Variants in SLC16A7 observed in about 807,000 individuals in gnomAD.
The protein encoded by SLC16A7 is solute carrier family 16 member 7.
A neutral mutation model predicts 34.9 loss-of-function variants in SLC16A7; 33 were observed. The ratio of observed to expected loss-of-function variants is 0.94; its 90% CI spans 0.72 to 1.26. The LOEUF (loss-of-function observed/expected upper bound fraction) is 1.26, where lower values mean the gene tolerates loss of function less well. Among genes scored for constraint, SLC16A7 ranks in the 50% most tolerant of loss-of-function variants. The pLI, the probability that SLC16A7 is intolerant of heterozygous loss-of-function variation, is 0.00. For missense variants in SLC16A7, 573 were observed against 578.1 expected, an observed-to-expected ratio of 0.99 and a Z score of 0.09; for synonymous variants, 201 against 206.6, an observed-to-expected ratio of 0.97 and a Z score of 0.23.
intron 3 of SLC16A7, among the ~76,000 whole-genome samples, chr12:59,728,778 T>C (rs1876590271): frequency 6.6e-6 from 1 of 152,190 alleles, no homozygotes; most frequent in Non-Finnish European, 1.5e-5. Flanking sequence ...ATGAATGCCA[T>C]TATGTGACAC....
chr12:59,619,128 A>G (rs1394611467), intron 1 of SLC16A7, among the ~76,000 whole-genome samples: 2 of 152,086 alleles, frequency 1.3e-5, no homozygotes, highest in East Asian at 3.9e-4. Flanking sequence ...TTTTTATTCG[A>G]ATGAACATTT....
chr12:59,632,271 TATG>T (rs1351991893), intron 1 of SLC16A7, among the ~76,000 whole-genome samples: 1 of 151,972 alleles, frequency 6.6e-6, no homozygotes, highest in African/African-American at 2.4e-5. Flanking sequence ...TTTAACAAAG[TATG>T]ATTTTAGATT....
rs1876680026 is a variant in SLC16A7, at chr12:59,729,475, A to AT, written c.217+24463dup. 3.9e-5 allele frequency among the ~76,000 whole-genome samples: 6 copies of AT among 152,026 alleles called. 1 individual carries two copies. Among genetic ancestry groups the AT allele is most frequent in the Non-Finnish European group, 8.8e-5 (6 of 68,004 alleles). Reference sequence around the variant, plus strand: ...GCCTCATTCTAATTCCCAAATCATTATTTTTTGACATTTTCATTCCTATCA... The same window carrying AT: ...GCCTCATTCTAATTCCCAAATCATTATTTTTTTGACATTTTCATTCCTATCA... On this transcript the variant is annotated intron_variant, in intron 3 of 5. Coordinates refer to ENST00000547379, the MANE Select transcript of SLC16A7 (RefSeq NM_001270623.2).
chr12:59,686,979 G>A (rs996600609), intron 2 of SLC16A7, among the ~76,000 whole-genome samples: 4 of 151,954 alleles, frequency 2.6e-5, no homozygotes, highest in South Asian at 2.1e-4. Flanking sequence ...TGCTATGTAC[G>A]TTAAATACCT....
chr12:59,638,663 T>C (rs1880542823), intron 1 of SLC16A7, among the ~76,000 whole-genome samples: 1 of 152,206 alleles, frequency 6.6e-6, no homozygotes, highest in African/African-American at 2.4e-5. Flanking sequence ...TGTAAGTTTC[T>C]ATCAGAGGAG....
chr12:59,659,752 A>T (rs1013279658), intron 2 of SLC16A7, among the ~76,000 whole-genome samples: 3 of 152,088 alleles, frequency 2.0e-5, no homozygotes, highest in African/African-American at 7.2e-5. Flanking sequence ...TAAAATTATC[A>T]TACTGTGTAG....
intron 2 of SLC16A7, among the ~76,000 whole-genome samples, chr12:59,695,006 A>G (rs1194876364): frequency 2.0e-5 from 3 of 152,108 alleles, no homozygotes; most frequent in South Asian, 4.1e-4. Flanking sequence ...GAAATTTCAC[A>G]GAAATGTTGG....
At chr12:59,773,633 C>G (rs376481026) in intron 4 of SLC16A7, among the ~76,000 whole-genome samples, 1 of 151,688 alleles carries the variant, frequency 6.6e-6, no homozygotes, top group South Asian at 2.1e-4. Flanking sequence ...GGCATGATCT[C>G]GGCTCACTGC....
At chr12:59,686,434 G>A (rs1871171986) in intron 2 of SLC16A7, among the ~76,000 whole-genome samples, 2 of 151,962 alleles carry the variant, frequency 1.3e-5, no homozygotes, top group Non-Finnish European at 2.9e-5. Flanking sequence ...TGTGATATAT[G>A]TTTTTAAATA....
At chr12:59,739,492 C>T (rs544495499) in intron 3 of SLC16A7, among the ~76,000 whole-genome samples, 14,352 of 138,066 alleles carry the variant, frequency 0.1, 959 homozygotes, top group African/African-American at 0.19. Context: ...TGAATAGTGC[C>T]GCAATAAATA....
At chr12:59,710,825 G>T (rs1344395490) in intron 3 of SLC16A7, among the ~76,000 whole-genome samples, 2 of 152,168 alleles carry the variant, frequency 1.3e-5, no homozygotes, top group Non-Finnish European at 2.9e-5. Flanking sequence ...AGCCTAAAGA[G>T]AAATGTTCAT....
Position 59,655,240 on chromosome 12 carries a change from A to G in SLC16A7, c.-41A>G, listed in dbSNP as rs923524779. The G allele has an allele frequency of 1.3e-5, 2 of 151,976 alleles. No individual in the cohort carries two copies. The highest frequency in any genetic ancestry group is 6.6e-5 in the Admixed American group (1 of 15,194). The allele number at this position is 151,976 out of a possible 1,614,324, so 9.4% of individuals were successfully genotyped here. On this transcript the variant is annotated 5_prime_UTR_variant, in exon 2 of 6. Transcript: ENST00000547379. ...AGACTCTGGGACTCTTGGTGCCAAC[A>G]GAGTTACTCTGTGAGTATCCTTGGT...
chr12:59,693,149 G>A (rs1386829668), intron 2 of SLC16A7, among the ~76,000 whole-genome samples: 1 of 151,860 alleles, frequency 6.6e-6, no homozygotes, highest in African/African-American at 2.4e-5. Flanking sequence ...TTTAACTGTA[G>A]GGCTTCTAGA....
intron 2 of SLC16A7, among the ~76,000 whole-genome samples, chr12:59,684,554 C>G (rs751933980): frequency 6.6e-6 from 1 of 152,076 alleles, no homozygotes; most frequent in Non-Finnish European, 1.5e-5. Context: ...CATAGTGTCT[C>G]TGGTGGAGAG....
At chr12:59,736,452 G>T (rs1419512789) in intron 3 of SLC16A7, among the ~76,000 whole-genome samples, 1 of 152,268 alleles carries the variant, frequency 6.6e-6, no homozygotes, top group South Asian at 2.1e-4. Flanking sequence ...AAGGTCCATT[G>T]TAGGGTGAGT....
rs775183233 is a variant in SLC16A7, at chr12:59,774,680, C to A, written c.385C>A (p.Gln129Lys). 2.2e-5 allele frequency: 35 copies of A among 1,593,412 alleles called. No individual in the cohort carries two copies. The highest frequency in any genetic ancestry group is 3.0e-5 in the Non-Finnish European group (35 of 1,171,796). The change falls in exon 5 of 6, where the codon CAA (glutamine) becomes AAA (lysine). Residue 129 changes from glutamine (Q) to lysine (K), a missense_variant. Gln to Lys is a moderately conservative substitution (Grantham distance 53). Coordinates refer to ENST00000547379, the MANE Select transcript of SLC16A7 (RefSeq NM_001270623.2). ...ITGLGLAFNL[Q>K]PALTIIGKYF... is the part of the protein sequence containing the mutation. ...AGGTTTAGGTTTAGCCTTCAACCTG[C>A]AACCCGCCTTAACCATAATTGGCAA...
chr12:59,606,868 G>GTT (rs1287231348), intron 1 of SLC16A7, among the ~76,000 whole-genome samples: 1 of 152,010 alleles, frequency 6.6e-6, no homozygotes, highest in East Asian at 1.9e-4. Flanking sequence ...ATATGTGTGT[G>GTT]TGTGATTATA....
At chr12:59,650,370 T>A (rs1202668525) in intron 1 of SLC16A7, among the ~76,000 whole-genome samples, 1 of 152,188 alleles carries the variant, frequency 6.6e-6, no homozygotes, top group African/African-American at 2.4e-5. Context: ...GGCTGATGCA[T>A]ATCCATTTGG....
intron 2 of SLC16A7, among the ~76,000 whole-genome samples, chr12:59,664,029 A>C (rs1159145091): frequency 6.6e-6 from 1 of 152,042 alleles, no homozygotes; most frequent in Non-Finnish European, 1.5e-5. Context: ...ATGCTGTTTG[A>C]TAGAGAGGAA....
Sources: gnomAD v4.1 joint callset for allele counts (sites outside exome capture counted in the v4.1 genomes callset) on GRCh38, gnomAD v4.1.1 for gene constraint, MANE v1.5 for transcripts, NCBI Gene and HGNC (gene_info 2026-07-23, HGNC 2026-07-21) for gene names.